GRID1: variants seen among roughly 807,000 people sequenced by gnomAD.
GRID1 encodes the protein glutamate ionotropic receptor delta type subunit 1.
A neutral mutation model predicts 98.0 loss-of-function variants in GRID1; 28 were observed. The observed-to-expected ratio is 0.29, with a 90% CI of 0.21 to 0.39. The LOEUF (loss-of-function observed/expected upper bound fraction) is 0.39. GRID1 is among the 10% of genes least tolerant of loss of function. GRID1 has a pLI of 1.00. For missense variants in GRID1, 1,111 were observed against 1,340.5 expected, an observed-to-expected ratio of 0.83 and a Z score of 2.67; for synonymous variants, 553 against 538.5, an observed-to-expected ratio of 1.03 and a Z score of -0.37.
At chr10:86,179,145 C>T (rs1048082527) in intron 3 of GRID1, among the ~76,000 whole-genome samples, 16 of 152,098 alleles carry the variant, frequency 1.1e-4, no homozygotes, top group Non-Finnish European at 2.9e-5. Context: ...AGTACACAGG[C>T]TAAGTTCCCG....
At chr10:86,257,821 A>G (rs1320063151) in intron 2 of GRID1, among the ~76,000 whole-genome samples, 1 of 152,228 alleles carries the variant, frequency 6.6e-6, no homozygotes, top group Non-Finnish European at 1.5e-5. Flanking sequence ...CGCCAACTCC[A>G]GACACCTAAA....
intron 8 of GRID1, among the ~76,000 whole-genome samples, chr10:85,764,458 A>G (rs1371692847): frequency 6.6e-6 from 1 of 152,200 alleles, no homozygotes; most frequent in Non-Finnish European, 1.5e-5. Context: ...AGAATGGACA[A>G]GGTTCCCCTG....
intron 4 of GRID1, among the ~76,000 whole-genome samples, chr10:85,987,310 A>C (rs1589325753): frequency 8.1e-6 from 1 of 123,220 alleles, no homozygotes; most frequent in Admixed American, 8.4e-5. Context: ...CCCCAGTCTC[A>C]CCTCCCACCT....
intron 8 of GRID1, among the ~76,000 whole-genome samples, chr10:85,834,943 CAA>C (rs200665644): frequency 1.3e-5 from 2 of 149,612 alleles, no homozygotes; most frequent in African/African-American, 2.5e-5. Flanking sequence ...ATGCTGTTTG[CAA>C]AAAAAAAGTT....
At chr10:85,692,421 G>A (rs776006271) in intron 12 of GRID1, among the ~76,000 whole-genome samples, 58 of 152,122 alleles carry the variant, frequency 3.8e-4, no homozygotes, top group Non-Finnish European at 7.1e-4. Context: ...CAGCACTTTG[G>A]GAGGCTGAGG....
At chr10:85,749,439 T>A (rs1412138582) in intron 8 of GRID1, among the ~76,000 whole-genome samples, 1 of 152,104 alleles carries the variant, frequency 6.6e-6, no homozygotes. Flanking sequence ...GAACAAGAAA[T>A]AAACCTCTAT....
chr10:85,884,463 T>C (rs1820631850), intron 5 of GRID1, among the ~76,000 whole-genome samples: 1 of 152,166 alleles, frequency 6.6e-6, no homozygotes, highest in African/African-American at 2.4e-5. Context: ...AAGAGGGCTA[T>C]TTCTGAGGGG....
rs183713112 is a variant in GRID1 at position 85,851,733 on chromosome 10, G to T, written c.1233+2763C>A. On this transcript the variant is annotated intron_variant, in intron 8 of 15. Transcript: ENST00000327946. Reference sequence around the variant, plus strand: ...CTGCCCAGCATCACAGGATCTAGGAGTCTGCCCAGTCGGCTCCTCTAGCAG... The same window carrying T: ...CTGCCCAGCATCACAGGATCTAGGATTCTGCCCAGTCGGCTCCTCTAGCAG... Among the ~76,000 whole-genome samples the T allele has an allele frequency of 1.2e-4, 19 of 152,162 alleles. No homozygotes were observed. In the East Asian group the frequency reaches 3.7e-3, roughly 29 times the overall value.
chr10:85,797,698 G>A (rs186682212), intron 8 of GRID1, among the ~76,000 whole-genome samples: 86 of 148,214 alleles, frequency 5.8e-4, no homozygotes, highest in African/African-American at 1.8e-3. Context: ...TGATCCACCC[G>A]CCTTGGCCTC....
chr10:86,307,313 G>A (rs780542450), intron 2 of GRID1, among the ~76,000 whole-genome samples: 3 of 152,048 alleles, frequency 2.0e-5, no homozygotes, highest in African/African-American at 7.2e-5. Flanking sequence ...ATCAATGAGC[G>A]AATGGATAAA....
chr10:86,301,122 G>GC (rs1177825308), intron 2 of GRID1, among the ~76,000 whole-genome samples: 1 of 152,144 alleles, frequency 6.6e-6, no homozygotes. Context: ...GCTTTCAGGT[G>GC]CCCCCCACCC....
At chr10:86,110,899 G>A (rs745579810) in intron 4 of GRID1, among the ~76,000 whole-genome samples, 11 of 152,202 alleles carry the variant, frequency 7.2e-5, no homozygotes, top group Non-Finnish European at 1.5e-4. Context: ...TCTATGCCAG[G>A]CACAGATTTG....
intron 2 of GRID1, among the ~76,000 whole-genome samples, chr10:86,231,466 G>C (rs1846451481): frequency 6.6e-6 from 1 of 152,148 alleles, no homozygotes; most frequent in Admixed American, 6.6e-5. Flanking sequence ...CCCCCTAAGT[G>C]AACCCTTGTG....
chr10:85,631,496 T>A (rs954449176), intron 13 of GRID1, among the ~76,000 whole-genome samples: 3 of 152,184 alleles, frequency 2.0e-5, no homozygotes, highest in Non-Finnish European at 4.4e-5. Context: ...CAAAAAATTG[T>A]CCTAGTAAAA....
intron 6 of GRID1, among the ~76,000 whole-genome samples, chr10:85,867,464 C>A (rs561419999): frequency 1.1e-4 from 17 of 151,820 alleles, no homozygotes; most frequent in African/African-American, 3.9e-4. Flanking sequence ...TCCCCTCTCC[C>A]GCTGCACTGG....
At chr10:85,776,698 C>T (rs1404672818) in intron 8 of GRID1, among the ~76,000 whole-genome samples, 4 of 152,198 alleles carry the variant, frequency 2.6e-5, no homozygotes, top group Admixed American at 6.5e-5. Context: ...CAAATGCTAC[C>T]GGTGATCCAG....
chr10:86,307,545 G>C lies in GRID1; in HGVS notation c.235+56396C>G, dbSNP rs374449872. 9.2e-5 allele frequency among the ~76,000 whole-genome samples: 14 copies of C among 152,240 alleles called. 1 individual carries two copies. In the South Asian group the frequency reaches 2.9e-3, roughly 32 times the overall value. ...GGTTGCCAGGAGCTGCTGTGGGGGG[G>C]AATGGGGAGATTTTGGCCAAAAGGT... On this transcript the variant is annotated intron_variant, in intron 2 of 15. Transcript: ENST00000327946.
intron 13 of GRID1, among the ~76,000 whole-genome samples, chr10:85,636,670 G>T (rs1843046684): frequency 6.6e-6 from 1 of 152,020 alleles, no homozygotes; most frequent in Admixed American, 6.6e-5. Context: ...CACAATGAAA[G>T]ATATGAGAAA....
chr10:86,168,922 C>T (rs1006873349), intron 3 of GRID1, among the ~76,000 whole-genome samples: 11 of 152,186 alleles, frequency 7.2e-5, no homozygotes, highest in African/African-American at 2.7e-4. Context: ...GTGAGTTCAG[C>T]TCGGTCTGTG....
Sources: allele counts gnomAD v4.1 joint callset (sites outside exome capture counted in the v4.1 genomes callset), GRCh38; gene constraint gnomAD v4.1.1; transcripts MANE v1.5; gene names NCBI Gene and HGNC (gene_info 2026-07-23, HGNC 2026-07-21).